The following EYS variants were observed in gnomAD, a reference collection of about 807,000 sequenced individuals.
EYS encodes the protein protein eyes shut homolog.
EYS carries 250 observed loss-of-function variants against 282.1 expected under a neutral mutation model. That is an observed-to-expected ratio of 0.89 (90% CI 0.80 to 0.98). The LOEUF (loss-of-function observed/expected upper bound fraction) is 0.98, where lower values mean the gene tolerates loss of function less well. EYS is among the 50% of genes least tolerant of loss of function. The probability of loss-of-function intolerance (pLI) is 0.00; values close to 1 mark genes in which losing one functional copy is unlikely to be tolerated. For synonymous variants in EYS, 1,355 were observed against 1,282.9 expected (o/e 1.06, Z -1.20); for missense variants, 4,016 against 3,709.0 (o/e 1.08, Z -2.15).
chr6:64,760,262 A>C (rs984820082), intron 22 of EYS, among the ~76,000 whole-genome samples: 7 of 151,632 alleles, frequency 4.6e-5, no homozygotes, highest in African/African-American at 1.7e-4. Context: ...TCTCTTTGAC[A>C]CTCTAGGCTG....
rs535631562 is a variant in EYS at position 63,999,108 on chromosome 6, C to T, written c.6801G>A (p.Gln2267=). ...CATGGGAAATCTCTGTGTCTTTCTT[C>T]TGTACTGGAGGTTTTCCATCTGCAG... ...EMTADGKPPV[Q]KKDTEISHAS... Residue 2267 remains glutamine, a synonymous_variant, in exon 34 of 43, where the codon CAG becomes CAA. Coordinates refer to ENST00000503581, the MANE Select transcript of EYS (RefSeq NM_001142800.2). 8.4e-6 allele frequency: 13 copies of T among 1,551,760 alleles called. No homozygotes were observed. Among genetic ancestry groups the T allele is most frequent in the Middle Eastern group, 1.7e-4 (1 of 5,994 alleles).
intron 22 of EYS, among the ~76,000 whole-genome samples, chr6:64,679,197 CTT>C (rs5876914): frequency 6.6e-6 from 1 of 151,636 alleles, no homozygotes; most frequent in East Asian, 1.9e-4. Flanking sequence ...TCTGATGGTT[CTT>C]TTTTTTTATG....
chr6:65,142,321 T>A (rs1764367174), intron 12 of EYS, among the ~76,000 whole-genome samples: 1 of 151,868 alleles, frequency 6.6e-6, no homozygotes, highest in Non-Finnish European at 1.5e-5. Context: ...AATTACATTA[T>A]AATCAGGGGA....
intron 35 of EYS, among the ~76,000 whole-genome samples, chr6:63,933,776 G>T (rs770244194): frequency 6.6e-6 from 1 of 152,102 alleles, no homozygotes; most frequent in Non-Finnish European, 1.5e-5. Flanking sequence ...GTGGGATCAA[G>T]ACCAAATATA....
rs1340868860 is a variant in EYS at position 64,918,367 on chromosome 6, G to T, written c.2382-5624C>A. Reference sequence around the variant, plus strand: ...GTAATAGCAAGGCAAAGTTGCTGAGGATTGTGAAAACTACTGCAACAACAA... The same window carrying T: ...GTAATAGCAAGGCAAAGTTGCTGAGTATTGTGAAAACTACTGCAACAACAA... On this transcript the variant is annotated intron_variant, in intron 15 of 42. Coordinates refer to ENST00000503581, the MANE Select transcript of EYS (RefSeq NM_001142800.2). 2.6e-5 allele frequency among the ~76,000 whole-genome samples: 4 copies of T among 152,256 alleles called. No individual in the cohort carries two copies. In the South Asian group the frequency reaches 6.2e-4, roughly 24 times the overall value.
At chr6:65,504,954 CT>C (rs1766601835) in intron 2 of EYS, among the ~76,000 whole-genome samples, 1 of 151,722 alleles carries the variant, frequency 6.6e-6, no homozygotes, top group Non-Finnish European at 1.5e-5. Flanking sequence ...CCATCTGCTT[CT>C]ATTTTACTGG....
chr6:64,712,947 T>C (rs1482684666), intron 22 of EYS, among the ~76,000 whole-genome samples: 1 of 152,142 alleles, frequency 6.6e-6, no homozygotes, highest in African/African-American at 2.4e-5. Context: ...TCAAAACAAC[T>C]ATTAGAAGAA....
At chr6:64,418,242 TG>T (rs1774122557) in intron 28 of EYS, among the ~76,000 whole-genome samples, 1 of 152,202 alleles carries the variant, frequency 6.6e-6, no homozygotes, top group Non-Finnish European at 1.5e-5. Context: ...AATAACTCTC[TG>T]CAAATTTGTG....
intron 2 of EYS, among the ~76,000 whole-genome samples, chr6:65,499,497 G>A (rs963747728): frequency 6.6e-6 from 1 of 151,894 alleles, no homozygotes; most frequent in African/African-American, 2.4e-5. Context: ...ACTTCTTTAA[G>A]AAGTATGACC....
chr6:64,899,045 C>G (rs1018907858), intron 18 of EYS, among the ~76,000 whole-genome samples: 7 of 151,942 alleles, frequency 4.6e-5, no homozygotes, highest in African/African-American at 7.3e-5. Context: ...TTAGACAGAT[C>G]GATGAGACAG....
At chr6:65,403,693 G>T (rs1184580484) in intron 6 of EYS, among the ~76,000 whole-genome samples, 1 of 151,556 alleles carries the variant, frequency 6.6e-6, no homozygotes, top group African/African-American at 2.4e-5. Flanking sequence ...TAAATAATGA[G>T]AATATTAAAT....
At chr6:64,395,460 T>G (rs1258113718) in intron 28 of EYS, among the ~76,000 whole-genome samples, 1 of 152,132 alleles carries the variant, frequency 6.6e-6, no homozygotes, top group Non-Finnish European at 1.5e-5. Context: ...CCATCAAAAA[T>G]GATGAGTTCG....
rs55705105 is a variant in EYS, at chr6:65,688,918, T to C, written c.-448+18217A>G. Among the ~76,000 whole-genome samples the C allele has an allele frequency of 8.2e-3, 1,239 of 151,834 alleles. 11 individuals carry two copies. Among genetic ancestry groups the C allele is most frequent in the Middle Eastern group, 0.041 (12 of 294 alleles). On this transcript the variant is annotated intron_variant, in intron 1 of 42. Coordinates refer to ENST00000503581, the MANE Select transcript of EYS (RefSeq NM_001142800.2). ...TGGAGAAATAGGAACACTTTTACACTGTTGGTGGGACTGTAAACTAGTTCA... is the reference window on the plus strand; with the variant it reads ...TGGAGAAATAGGAACACTTTTACACCGTTGGTGGGACTGTAAACTAGTTCA...
chr6:65,225,724 A>G (rs1766606299), intron 12 of EYS, among the ~76,000 whole-genome samples: 2 of 150,958 alleles, frequency 1.3e-5, no homozygotes, highest in South Asian at 4.2e-4. Flanking sequence ...CAAAAAAGAA[A>G]AAAAAAAAAA....
At chr6:64,915,768 C>T (rs1768141266) in intron 15 of EYS, among the ~76,000 whole-genome samples, 1 of 152,082 alleles carries the variant, frequency 6.6e-6, no homozygotes, top group Admixed American at 6.6e-5. Flanking sequence ...TTCAATAAAG[C>T]TTTGAAATAT....
intron 22 of EYS, among the ~76,000 whole-genome samples, chr6:64,683,908 C>A (rs1190078786): frequency 6.6e-6 from 1 of 152,168 alleles, no homozygotes; most frequent in Non-Finnish European, 1.5e-5. Context: ...AGCAGCCAAC[C>A]TCGCTGCCCA....
In EYS at chr6:64,792,857, C is replaced by CGTGTGT. The variant is rs61516922; in HGVS notation, c.3443+20515_3443+20520dup. Among the ~76,000 whole-genome samples, 288 of 148,426 alleles carry CGTGTGT rather than the reference C, an allele frequency of 1.9e-3. 2 individuals carry two copies. Among genetic ancestry groups the CGTGTGT allele is most frequent in the African/African-American group, 1.3e-3 (52 of 40,964 alleles). On this transcript the variant is annotated intron_variant, in intron 22 of 42. Transcript: ENST00000503581. ...GTTTTAATTTCATACGATCTTGACA[C>CGTGTGT]GTGTGTGTGTGTGTGTGTGTTAGAT...
chr6:64,950,830 T>C (rs1291838733), intron 14 of EYS, among the ~76,000 whole-genome samples: 1 of 116,872 alleles, frequency 8.6e-6, no homozygotes, highest in Non-Finnish European at 1.7e-5. Context: ...TATATATATA[T>C]ATATTGTTGA....
intron 33 of EYS, among the ~76,000 whole-genome samples, chr6:64,051,543 G>A (rs1049553587): frequency 2.6e-5 from 4 of 152,026 alleles, no homozygotes; most frequent in Non-Finnish European, 5.9e-5. Flanking sequence ...CAAGCTTTAA[G>A]GTGATTTTAG....
Sources: gnomAD v4.1 joint callset for allele counts (sites outside exome capture counted in the v4.1 genomes callset) on GRCh38, gnomAD v4.1.1 for gene constraint, MANE v1.5 for transcripts, NCBI Gene and HGNC (gene_info 2026-07-23, HGNC 2026-07-21) for gene names.